ABCA5: variants seen among roughly 807,000 people sequenced by gnomAD.
ABCA5 encodes the protein ATP binding cassette subfamily A member 5, also known as cholesterol transporter ABCA5.
Under a neutral mutation model 206.0 loss-of-function variants are expected in ABCA5, and 163 were observed. The observed-to-expected ratio is 0.79, with a 90% CI of 0.70 to 0.90. ABCA5 has a LOEUF of 0.90. ABCA5 is among the 40% of genes least tolerant of loss of function. The probability of loss-of-function intolerance (pLI) is 0.00; values close to 1 mark genes in which losing one functional copy is unlikely to be tolerated. For missense variants in ABCA5, 1,859 were observed against 1,912.9 expected (o/e 0.97, Z 0.53); for synonymous variants, 609 against 613.8 (o/e 0.99, Z 0.11).
In ABCA5 at chr17:69,270,641, A is replaced by G. The variant is rs371691875; in HGVS notation, c.3002T>C (p.Ile1001Thr). 5.6e-5 allele frequency: 89 copies of G among 1,596,290 alleles called. No homozygotes were observed. The highest frequency in any genetic ancestry group is 7.1e-5 in the Non-Finnish European group (83 of 1,173,876). Residue 1001 changes from isoleucine (I) to threonine (T), a missense_variant, in exon 22 of 39, where the codon ATC becomes ACC. Transcript: ENST00000392676. ...AAAGAATGGGGTACTCCAGATCTGGATGGTTTCAGTCACATTTAAATGATA... is the reference window on the plus strand; with the variant it reads ...AAAGAATGGGGTACTCCAGATCTGGGTGGTTTCAGTCACATTTAAATGATA... ...YLYHLNVTET[I>T]QIWSTPFFQE...
chr17:69,258,621 A>G (rs916974145), intron 28 of ABCA5, among the ~76,000 whole-genome samples: 2 of 152,132 alleles, frequency 1.3e-5, no homozygotes, highest in African/African-American at 2.4e-5. Flanking sequence ...TAATGTTACA[A>G]TAGAAGCCCA....
At chr17:69,322,536 ATAAAG>A (rs1478220832) in intron 1 of ABCA5, among the ~76,000 whole-genome samples, 2 of 152,144 alleles carry the variant, frequency 1.3e-5, no homozygotes, top group East Asian at 1.9e-4. Context: ...TTTGAAAGCT[ATAAAG>A]TATTTTTTAA....
At chr17:69,264,486 C>T (rs563240248) in intron 24 of ABCA5, among the ~76,000 whole-genome samples, 1 of 152,138 alleles carries the variant, frequency 6.6e-6, no homozygotes, top group Non-Finnish European at 1.5e-5. Context: ...TGATTACACC[C>T]AAGTAGGTGG....
In ABCA5 at chr17:69,301,303, C is replaced by T; in HGVS notation, c.1120-17G>A. ...ATGCATGACCTGAAAAATACAAACA[C>T]TAACTTTATTACATAAAAATGACAA... On this transcript the variant is annotated splice_polypyrimidine_tract_variant and intron_variant, in intron 8 of 38. Coordinates refer to ENST00000392676, the MANE Select transcript of ABCA5 (RefSeq NM_172232.4). 2 of 1,580,238 alleles carry T rather than the reference C, an allele frequency of 1.3e-6. No homozygotes were observed. The highest frequency in any genetic ancestry group is 1.2e-5 in the South Asian group (1 of 84,856).
intron 18 of ABCA5, among the ~76,000 whole-genome samples, chr17:69,281,533 C>T (rs2075393702): frequency 1.3e-5 from 2 of 152,126 alleles, no homozygotes; most frequent in Admixed American, 6.5e-5. Flanking sequence ...ACTACAAAAT[C>T]ACATACATTA....
At chr17:69,310,752 A>T (rs556861469) in intron 3 of ABCA5, among the ~76,000 whole-genome samples, 24 of 152,372 alleles carry the variant, frequency 1.6e-4, no homozygotes, top group African/African-American at 5.8e-4. Flanking sequence ...AGAATATAGA[A>T]TTAGTACTTA....
chr17:69,277,246 G>A (rs1368052129), intron 19 of ABCA5, among the ~76,000 whole-genome samples: 1 of 152,024 alleles, frequency 6.6e-6, no homozygotes, highest in Non-Finnish European at 1.5e-5. Flanking sequence ...CTAACTAATA[G>A]ACGCAAAAAA....
chr17:69,303,405 C>CA (rs983816123), intron 7 of ABCA5, among the ~76,000 whole-genome samples: 1 of 151,940 alleles, frequency 6.6e-6, no homozygotes, highest in African/African-American at 2.4e-5. Flanking sequence ...GTGTGAGCCA[C>CA]CACATCTGGT....
In ABCA5 at chr17:69,313,228, T is replaced by C. The variant is rs971548034; in HGVS notation, c.171A>G (p.Lys57=). 3 of 1,535,816 alleles carry C rather than the reference T, an allele frequency of 2.0e-6. No individual in the cohort carries two copies. Among genetic ancestry groups the C allele is most frequent in the African/African-American group, 2.7e-5 (2 of 73,160 alleles). ...ILISMMHPNK[K]YEEVPNIELN... ...GTTCTATATTAGGCACTTCTTCATATTTCTTATTTGGATGCATCATGCTAA... is the reference window on the plus strand; with the variant it reads ...GTTCTATATTAGGCACTTCTTCATACTTCTTATTTGGATGCATCATGCTAA... The change falls in exon 3 of 39, where the codon AAA becomes AAG. Residue 57 remains lysine (K), a synonymous_variant. Coordinates refer to ENST00000392676, the MANE Select transcript of ABCA5 (RefSeq NM_172232.4).
chr17:69,268,119 TTAGGA>T (rs1204855487), intron 22 of ABCA5, 63 bp from the exon 23 acceptor site: 95 of 563,368 alleles, frequency 1.7e-4, no homozygotes, highest in African/African-American at 4.5e-4. Flanking sequence ...AAGATATATC[TTAGGA>T]TATATCTTAT....
intron 18 of ABCA5, among the ~76,000 whole-genome samples, chr17:69,280,150 T>C (rs1320131079): frequency 6.6e-6 from 1 of 151,858 alleles, no homozygotes; most frequent in Non-Finnish European, 1.5e-5. Context: ...AAAGGGCTAA[T>C]ATCCAGAATC....
chr17:69,293,833 G>GGGGTGT (rs529106926), intron 11 of ABCA5, among the ~76,000 whole-genome samples: 6 of 123,726 alleles, frequency 4.8e-5, no homozygotes, highest in African/African-American at 9.0e-5. Flanking sequence ...CAATCATACT[G>GGGGTGT]GTGTGTGTGT....
At chr17:69,311,740 C>T (rs1182857125) in intron 3 of ABCA5, among the ~76,000 whole-genome samples, 2 of 152,152 alleles carry the variant, frequency 1.3e-5, no homozygotes, top group Non-Finnish European at 2.9e-5. Flanking sequence ...GATCTGCTCA[C>T]CTCGGCCTCC....
In ABCA5 at chr17:69,282,830, C is replaced by G. The variant is rs116835799; in HGVS notation, c.2392+1123G>C. Among the ~76,000 whole-genome samples the G allele has an allele frequency of 3.3e-4, 50 of 151,644 alleles. 1 individual carries two copies. The highest frequency in any genetic ancestry group is 1.1e-3 in the African/African-American group (47 of 41,386). ...TCCTTCTTTCCACAAACCTATTCTTCCCCTATTTTCAGGAAATGGCAATCT... is the reference window on the plus strand; with the variant it reads ...TCCTTCTTTCCACAAACCTATTCTTGCCCTATTTTCAGGAAATGGCAATCT... On this transcript the variant is annotated intron_variant, in intron 18 of 38. Transcript: ENST00000392676.
chr17:69,255,694 CT>C, intron 30 of ABCA5, 38 bp downstream of exon 30: 1 of 1,576,424 alleles, frequency 6.3e-7, no homozygotes, highest in South Asian at 1.2e-5. Flanking sequence ...AGAAATTACT[CT>C]TCTAGAAAAG....
intron 3 of ABCA5, among the ~76,000 whole-genome samples, chr17:69,311,450 C>A (rs948007718): frequency 1.3e-5 from 2 of 152,002 alleles, no homozygotes; most frequent in African/African-American, 4.8e-5. Flanking sequence ...ATCTAATACA[C>A]ACTGACTTAG....
rs1341043790 is a variant in ABCA5, at chr17:69,326,123, ACTCCATCCTTTTACTAGCTGAGAC to A, written c.-16+905_-16+928del. 6.6e-6 allele frequency among the ~76,000 whole-genome samples: 1 copy of A among 151,966 alleles called. No individual in the cohort carries two copies. Among genetic ancestry groups the A allele is most frequent in the Non-Finnish European group, 1.5e-5 (1 of 67,978 alleles). On this transcript the variant is annotated intron_variant, in intron 1 of 38. Transcript: ENST00000392676. This position sits in a 1 kb window ranked among gnomAD's most constrained non-coding sequence, Gnocchi z 4.8. ...TCTGGCAGCCCGGGTTGGAATCTCA[ACTCCATCCTTTTACTAGCTGAGAC>A]CTTAATAAGTTACTTAACCTCTTTG... is the stretch of plus-strand genomic sequence containing the variant.
chr17:69,307,332 ATGAT>A (rs2075728510), intron 5 of ABCA5, among the ~76,000 whole-genome samples: 1 of 152,060 alleles, frequency 6.6e-6, no homozygotes, highest in Admixed American at 6.5e-5. Context: ...CATCATTCCT[ATGAT>A]TGTTTAAAAA....
chr17:69,304,863 T>C, intron 6 of ABCA5, 53 bp from the exon 7 acceptor site: 1 of 1,392,936 alleles, frequency 7.2e-7, no homozygotes. Context: ...CTTAACCAGT[T>C]AAAAAATCAT....
Sources: allele counts gnomAD v4.1 joint callset (sites outside exome capture counted in the v4.1 genomes callset), GRCh38; gene constraint gnomAD v4.1.1; non-coding constraint Gnocchi (gnomAD v3.1); transcripts MANE v1.5; gene names NCBI Gene and HGNC (gene_info 2026-07-23, HGNC 2026-07-21).